NTNG1: variants seen among roughly 807,000 people sequenced by gnomAD.
NTNG1 encodes netrin-G1.
Under a neutral mutation model 54.0 loss-of-function variants are expected in NTNG1, and 16 were observed. That is an observed-to-expected ratio of 0.30 (90% confidence interval 0.20 to 0.45). NTNG1 has a LOEUF of 0.45. Among genes scored for constraint, NTNG1 ranks in the 20% least tolerant of loss-of-function variants. The pLI is 1.00. For synonymous variants in NTNG1, 255 were observed against 263.1 expected, an observed-to-expected ratio of 0.97 and a Z score of 0.30; for missense variants, 530 against 678.7, an observed-to-expected ratio of 0.78 and a Z score of 2.43.
At chr1:107,283,528 T>G (rs984319111) in intron 2 of NTNG1, among the ~76,000 whole-genome samples, 1 of 152,224 alleles carries the variant, frequency 6.6e-6, no homozygotes, top group Non-Finnish European at 1.5e-5. Context: ...CAAGTACATA[T>G]AGAAACATTA....
intron 2 of NTNG1, among the ~76,000 whole-genome samples, chr1:107,288,525 A>C (rs1665362536): frequency 6.6e-6 from 1 of 152,184 alleles, no homozygotes; most frequent in Non-Finnish European, 1.5e-5. Flanking sequence ...TTTATGATGG[A>C]GCAGGAAGAT....
At chr1:107,358,074 GC>G (rs1670047508) in intron 3 of NTNG1, among the ~76,000 whole-genome samples, 3 of 152,114 alleles carry the variant, frequency 2.0e-5, no homozygotes, top group Admixed American at 1.3e-4. Context: ...TTAAAAATGA[GC>G]TTTTATTGTG....
At chr1:107,140,331 C>T (rs1653558605), upstream of NTNG1, 1 of 152,768 alleles carries the variant, frequency 6.5e-6, no homozygotes, top group South Asian at 2.1e-4. Flanking sequence ...GCTCCTCTTT[C>T]CGGCTCTCGC....
Position 107,484,540 on chromosome 1 carries a change from A to G in NTNG1, c.*3700A>G, listed in dbSNP as rs1236558621. Among the ~76,000 whole-genome samples, 1 of 152,218 alleles carries G rather than the reference A, an allele frequency of 6.6e-6. No individual in the cohort carries two copies. Among genetic ancestry groups the G allele is most frequent in the Non-Finnish European group, 1.5e-5 (1 of 68,036 alleles). Reference sequence around the variant, plus strand: ...GGTCGATCTGCCTGAGGTGCCCTTGAGTCAGATCCCTAAGTTGGCACAAAC... The same window carrying G: ...GGTCGATCTGCCTGAGGTGCCCTTGGGTCAGATCCCTAAGTTGGCACAAAC... On this transcript the variant is annotated 3_prime_UTR_variant, in exon 8 of 8. Transcript: ENST00000370068.
intron 7 of NTNG1, among the ~76,000 whole-genome samples, chr1:107,452,005 C>T (rs1676655052): frequency 6.6e-6 from 1 of 152,230 alleles, no homozygotes; most frequent in African/African-American, 2.4e-5. Flanking sequence ...TGAATCCTGG[C>T]TCTGCCACTT....
chr1:107,305,097 T>C (rs1159748117), intron 2 of NTNG1, among the ~76,000 whole-genome samples: 2 of 152,196 alleles, frequency 1.3e-5, no homozygotes, highest in African/African-American at 4.8e-5. Context: ...TAGTATTCCA[T>C]GGTGTGTATG....
intron 7 of NTNG1, among the ~76,000 whole-genome samples, chr1:107,440,584 G>T (rs758156267): frequency 6.6e-6 from 1 of 152,142 alleles, no homozygotes; most frequent in Non-Finnish European, 1.5e-5. Context: ...CCAAGCACAT[G>T]TTGATATGCC....
intron 3 of NTNG1, among the ~76,000 whole-genome samples, chr1:107,381,503 A>G (rs187672012): frequency 6.6e-5 from 10 of 152,262 alleles, no homozygotes; most frequent in South Asian, 4.1e-4. Flanking sequence ...CCAAAGCTAA[A>G]TGCTAGGTAG....
intron 2 of NTNG1, among the ~76,000 whole-genome samples, chr1:107,314,659 A>G (rs1391210802): frequency 1.1e-4 from 17 of 152,134 alleles, no homozygotes. Flanking sequence ...TCATAAATAT[A>G]TGATCTGCAG....
chr1:107,374,408 C>G (rs1361243914), intron 3 of NTNG1, among the ~76,000 whole-genome samples: 1 of 152,028 alleles, frequency 6.6e-6, no homozygotes, highest in African/African-American at 2.4e-5. Flanking sequence ...TTCACTGAAG[C>G]TTTTTGCATT....
intron 4 of NTNG1, among the ~76,000 whole-genome samples, chr1:107,397,666 T>C (rs1223646262): frequency 1.3e-5 from 2 of 152,184 alleles, no homozygotes; most frequent in Non-Finnish European, 2.9e-5. Flanking sequence ...TTTTTAGTTT[T>C]TTTCATAAGA....
intron 5 of NTNG1, among the ~76,000 whole-genome samples, chr1:107,411,269 C>T (rs1029719761): frequency 3.9e-5 from 6 of 152,122 alleles, no homozygotes; most frequent in Non-Finnish European, 5.9e-5. Context: ...TTATAGTAAG[C>T]AGTGTCTTCA....
At chr1:107,163,715 C>T (rs1655571265) in intron 2 of NTNG1, among the ~76,000 whole-genome samples, 1 of 152,118 alleles carries the variant, frequency 6.6e-6, no homozygotes, top group South Asian at 2.1e-4. Flanking sequence ...ATTATATTGG[C>T]TCGGTGTTTT....
intron 2 of NTNG1, among the ~76,000 whole-genome samples, chr1:107,173,211 A>G (rs1426879488): frequency 6.6e-6 from 1 of 152,158 alleles, no homozygotes; most frequent in African/African-American, 2.4e-5. Flanking sequence ...TTGCTGTTTA[A>G]CGCATCTTAA....
intron 6 of NTNG1, among the ~76,000 whole-genome samples, chr1:107,435,798 C>T (rs1007955857): frequency 1.3e-5 from 2 of 152,118 alleles, no homozygotes; most frequent in Admixed American, 6.5e-5. Flanking sequence ...GAAACTTTAG[C>T]TCACAGTACC....
intron 2 of NTNG1, among the ~76,000 whole-genome samples, chr1:107,157,657 AT>A (rs1379392716): frequency 6.6e-6 from 1 of 151,860 alleles, no homozygotes; most frequent in African/African-American, 2.4e-5. Context: ...ATGGCATTTC[AT>A]TTTTTTTAAA....
chr1:107,409,412 T>C (rs1245926398), intron 5 of NTNG1: 2 of 152,182 alleles, frequency 1.3e-5, no homozygotes, highest in South Asian at 2.1e-4. Context: ...GTATGTTGCA[T>C]GGCCCCTCTA....
chr1:107,374,176 T>C (rs532980829), intron 3 of NTNG1, among the ~76,000 whole-genome samples: 2 of 152,328 alleles, frequency 1.3e-5, no homozygotes, highest in African/African-American at 4.8e-5. Flanking sequence ...TTCAAGATAG[T>C]CTGTATTGCT....
intron 2 of NTNG1, among the ~76,000 whole-genome samples, chr1:107,298,894 GCA>G (rs1389557206): frequency 6.6e-6 from 1 of 152,130 alleles, no homozygotes; most frequent in African/African-American, 2.4e-5. Context: ...GAAAATATAA[GCA>G]CCAAACTTAC....
Sources: allele counts gnomAD v4.1 joint callset (sites outside exome capture counted in the v4.1 genomes callset), GRCh38; gene constraint gnomAD v4.1.1; transcripts MANE v1.5; gene names NCBI Gene and HGNC (gene_info 2026-07-23, HGNC 2026-07-21).